The following TMEM132D variants were observed in gnomAD, a reference collection of about 807,000 sequenced individuals.
TMEM132D encodes mature OL transmembrane protein.
In TMEM132D, 21 loss-of-function variants were observed where a neutral mutation model predicts 62.3. The ratio of observed to expected loss-of-function variants is 0.34; its 90% confidence interval spans 0.24 to 0.49. The LOEUF is 0.49. TMEM132D is among the 20% of genes least tolerant of loss of function. The probability of loss-of-function intolerance (pLI) is 0.99; values close to 1 mark genes in which losing one functional copy is unlikely to be tolerated. For missense variants in TMEM132D, 1,346 were observed against 1,402.8 expected, an observed-to-expected ratio of 0.96 and a Z score of 0.65; for synonymous variants, 621 against 575.6, an observed-to-expected ratio of 1.08 and a Z score of -1.13.
At chr12:129,761,592 C>T (rs1385634052) in intron 1 of TMEM132D, among the ~76,000 whole-genome samples, 3 of 152,194 alleles carry the variant, frequency 2.0e-5, no homozygotes, top group Non-Finnish European at 2.9e-5. Flanking sequence ...CTTCCCTGTT[C>T]CCTGTCACTC....
chr12:129,808,434 CA>C (rs1417496929), intron 1 of TMEM132D, among the ~76,000 whole-genome samples: 1 of 152,150 alleles, frequency 6.6e-6, no homozygotes, highest in African/African-American at 2.4e-5. Flanking sequence ...ATTCAGGAAG[CA>C]GGGGTTGCTA....
At chr12:129,202,395 A>T (rs1446868173) in intron 5 of TMEM132D, among the ~76,000 whole-genome samples, 1 of 152,192 alleles carries the variant, frequency 6.6e-6, no homozygotes, top group Non-Finnish European at 1.5e-5. Flanking sequence ...TGACAACTGT[A>T]TGAGCTGTGG....
intron 2 of TMEM132D, among the ~76,000 whole-genome samples, chr12:129,681,756 T>C (rs1415262964): frequency 6.6e-6 from 1 of 152,272 alleles, no homozygotes. Flanking sequence ...TCAAAGAATA[T>C]GCAACTATCT....
At chr12:129,420,183 TG>T (rs1430956652) in intron 3 of TMEM132D, among the ~76,000 whole-genome samples, 2 of 151,890 alleles carry the variant, frequency 1.3e-5, no homozygotes, top group African/African-American at 4.8e-5. Context: ...GCAGGAAGAA[TG>T]CTCCCACCGA....
chr12:129,704,618 A>T (rs1274520995), intron 1 of TMEM132D, among the ~76,000 whole-genome samples: 2 of 152,208 alleles, frequency 1.3e-5, no homozygotes, highest in Non-Finnish European at 2.9e-5. Flanking sequence ...ACCTTGGAGC[A>T]AGGGATCTCC....
At chr12:129,174,020 G>T (rs1877823667) in intron 5 of TMEM132D, among the ~76,000 whole-genome samples, 1 of 152,132 alleles carries the variant, frequency 6.6e-6, no homozygotes, top group Non-Finnish European at 1.5e-5. Context: ...AATAAAAATT[G>T]GACCAGAACA....
At chr12:129,236,114 GT>G (rs1879774468) in intron 4 of TMEM132D, among the ~76,000 whole-genome samples, 1 of 130,380 alleles carries the variant, frequency 7.7e-6, no homozygotes, top group Admixed American at 8.4e-5. Flanking sequence ...TTGTGTGTGT[GT>G]GTGTGTGTGT....
chr12:129,424,368 T>C (rs942227599), intron 3 of TMEM132D, among the ~76,000 whole-genome samples: 3 of 152,190 alleles, frequency 2.0e-5, no homozygotes, highest in Admixed American at 1.3e-4. Flanking sequence ...CCTCTTTTCC[T>C]TCTCCATGAT....
At chr12:129,692,576 A>G (rs1881087594) in intron 2 of TMEM132D, among the ~76,000 whole-genome samples, 1 of 152,262 alleles carries the variant, frequency 6.6e-6, no homozygotes, top group Admixed American at 6.5e-5. Context: ...TATTCACAAT[A>G]GCAAAGACAT....
chr12:129,777,048 C>A (rs1870957646), intron 1 of TMEM132D, among the ~76,000 whole-genome samples: 1 of 152,150 alleles, frequency 6.6e-6, no homozygotes, highest in South Asian at 2.1e-4. Flanking sequence ...CTTTAGAAAA[C>A]CCTAGAGAAT....
intron 3 of TMEM132D, among the ~76,000 whole-genome samples, chr12:129,509,335 G>T (rs1875430810): frequency 6.6e-6 from 1 of 152,054 alleles, no homozygotes; most frequent in African/African-American, 2.4e-5. Flanking sequence ...GCACACCTTA[G>T]TTTTTAATTT....
At chr12:129,392,258 T>C (rs1871308463) in intron 3 of TMEM132D, among the ~76,000 whole-genome samples, 1 of 151,872 alleles carries the variant, frequency 6.6e-6, no homozygotes, top group Admixed American at 6.5e-5. Flanking sequence ...GGTTTCTCCA[T>C]GTTGGTCAGG....
At chr12:129,853,845 G>C (rs576735683) in intron 1 of TMEM132D, 1 of 152,054 alleles carries the variant, frequency 6.6e-6, no homozygotes, top group Non-Finnish European at 1.5e-5. Flanking sequence ...TGACTCATAA[G>C]TTTACTGCAA....
rs900351295 is a variant in TMEM132D, at chr12:129,779,111, G to A, written c.80-78413C>T. Among the ~76,000 whole-genome samples the A allele has an allele frequency of 2.0e-5, 3 of 152,098 alleles. No individual in the cohort carries two copies. Among genetic ancestry groups the A allele is most frequent in the East Asian group, 1.9e-4 (1 of 5,186 alleles). ...CCTTACCATTCTCATACAACGAGGC[G>A]ACTGCAACAGCTCCAGGCATCACAT... On this transcript the variant is annotated intron_variant, in intron 1 of 8. Transcript: ENST00000422113. The surrounding 1 kb of genome is among the most constrained non-coding windows in gnomAD (Gnocchi z 4.1).
rs115900306 is a variant in TMEM132D at position 129,365,923 on chromosome 12, G to A, written c.1116-28106C>T. On this transcript the variant is annotated intron_variant, in intron 3 of 8. Transcript: ENST00000422113. ...CAGCGCATCTCCTTCCCCCTGCAAT[G>A]TCCACCCAGCACTGTCCACCCGCCC... is the stretch of plus-strand genomic sequence containing the variant. Among the ~76,000 whole-genome samples, 788 of 152,012 alleles carry A rather than the reference G, an allele frequency of 5.2e-3. 5 individuals are homozygous for A. Among genetic ancestry groups the A allele is most frequent in the African/African-American group, 0.018 (754 of 41,450 alleles).
chr12:129,492,956 GGATA>G (rs1874844255), intron 3 of TMEM132D, among the ~76,000 whole-genome samples: 2 of 152,064 alleles, frequency 1.3e-5, no homozygotes, highest in Admixed American at 1.3e-4. Context: ...ATGACTAGAT[GGATA>G]GCGGCGCCAA....
At chr12:129,646,078 T>C (rs181749984) in intron 2 of TMEM132D, among the ~76,000 whole-genome samples, 515 of 152,314 alleles carry the variant, frequency 3.4e-3, no homozygotes, top group Non-Finnish European at 5.7e-3. Flanking sequence ...CTTTACTTTC[T>C]TAATAAACTT....
intron 4 of TMEM132D, among the ~76,000 whole-genome samples, chr12:129,255,240 T>C (rs1880369120): frequency 1.3e-5 from 2 of 152,204 alleles, no homozygotes; most frequent in Non-Finnish European, 2.9e-5. Flanking sequence ...AAATATCTTT[T>C]CTTTATAATT....
chr12:129,596,789 T>C (rs1878349291), intron 2 of TMEM132D, among the ~76,000 whole-genome samples: 1 of 152,052 alleles, frequency 6.6e-6, no homozygotes, highest in Non-Finnish European at 1.5e-5. Context: ...TTTAAACTCC[T>C]GTTTGAATGT....
Sources: allele counts gnomAD v4.1 joint callset (sites outside exome capture counted in the v4.1 genomes callset), GRCh38; gene constraint gnomAD v4.1.1; non-coding constraint Gnocchi (gnomAD v3.1); transcripts MANE v1.5; gene names NCBI Gene and HGNC (gene_info 2026-07-23, HGNC 2026-07-21).